ASPH: variants seen among roughly 807,000 people sequenced by gnomAD.
ASPH encodes the protein aspartyl/asparaginyl beta-hydroxylase.
In ASPH, 100 loss-of-function variants were observed where a neutral mutation model predicts 118.4. The observed-to-expected ratio is 0.84, with a 90% CI of 0.72 to 1.00. The LOEUF is 1.00. ASPH is among the 50% of genes least tolerant of loss of function. The pLI, the probability that ASPH is intolerant of heterozygous loss-of-function variation, is 0.00. For synonymous variants in ASPH, 315 were observed against 325.6 expected (o/e 0.97, Z 0.35); for missense variants, 920 against 919.5 (o/e 1.00, Z -0.01).
At position 61,580,710 on chromosome 8, in the gene ASPH, A is replaced by G. The variant is rs148527237; in HGVS notation, c.1062+3234T>C. Reference sequence around the variant, plus strand: ...CACTCCAATATCCAATTCTGTCTTCATACTGCTTTCTTTCTCCTCTGTATG... The same window carrying G: ...CACTCCAATATCCAATTCTGTCTTCGTACTGCTTTCTTTCTCCTCTGTATG... On this transcript the variant is annotated intron_variant, in intron 15 of 24. Coordinates refer to ENST00000379454, the MANE Select transcript of ASPH (RefSeq NM_004318.4). Among the ~76,000 whole-genome samples the G allele has an allele frequency of 1.1e-3, 169 of 152,286 alleles. 1 individual carries two copies. The highest frequency in any genetic ancestry group is 3.8e-3 in the African/African-American group (159 of 41,548).
chr8:61,685,709 C>T (rs1830214789), intron 1 of ASPH, among the ~76,000 whole-genome samples: 1 of 151,688 alleles, frequency 6.6e-6, no homozygotes, highest in Non-Finnish European at 1.5e-5. Context: ...CAAAAGGGGC[C>T]ATAAAAACTA....
At chr8:61,684,625 C>A (rs1829678606) in intron 1 of ASPH, 1 of 155,524 alleles carries the variant, frequency 6.4e-6, no homozygotes, top group African/African-American at 2.4e-5. Context: ...CCCCCTAAAC[C>A]ATTCCATATT....
intron 1 of ASPH, among the ~76,000 whole-genome samples, chr8:61,708,998 C>T (rs548913688): frequency 1.3e-5 from 2 of 151,714 alleles, no homozygotes; most frequent in Non-Finnish European, 2.9e-5. Flanking sequence ...CACAGGGGGC[C>T]GAATAGCCCA....
intron 3 of ASPH, chr8:61,658,655 A>C (rs1815075620): frequency 6.6e-6 from 1 of 152,182 alleles, no homozygotes; most frequent in Admixed American, 6.5e-5. Context: ...GTATTTTTCC[A>C]AAAATTTACC....
chr8:61,587,103 TTTAA>T (rs1839702802), intron 14 of ASPH, among the ~76,000 whole-genome samples: 1 of 152,214 alleles, frequency 6.6e-6, no homozygotes, highest in South Asian at 2.1e-4. Context: ...CTGATCATCT[TTTAA>T]TTACTTACAC....
intron 14 of ASPH, among the ~76,000 whole-genome samples, chr8:61,587,672 T>C (rs1360605892): frequency 6.6e-6 from 1 of 152,216 alleles, no homozygotes; most frequent in Non-Finnish European, 1.5e-5. Context: ...AGACAAAATA[T>C]TAAAAATCTC....
intron 5 of ASPH, among the ~76,000 whole-genome samples, chr8:61,650,007 C>T (rs528069351): frequency 2.6e-5 from 4 of 152,312 alleles, no homozygotes; most frequent in East Asian, 3.9e-4. Flanking sequence ...CCAGCACTGG[C>T]CTGGTGAAGG....
intron 1 of ASPH, among the ~76,000 whole-genome samples, chr8:61,696,962 G>T (rs1834047722): frequency 6.6e-6 from 1 of 152,212 alleles, no homozygotes; most frequent in Admixed American, 6.5e-5. Context: ...CTGGTTTACA[G>T]CTGTGTCCAT....
rs576597404 is a variant in ASPH, at chr8:61,562,860, G to T, written c.1321C>A (p.Leu441Ile). The T allele has an allele frequency of 1.2e-6, 2 of 1,605,846 alleles. No homozygotes were observed. The highest frequency in any genetic ancestry group is 1.3e-5 in the African/African-American group (1 of 74,494). Residue 441 changes from leucine to isoleucine, a missense_variant, in exon 18 of 25, where the codon CTT becomes ATT. Leu to Ile is a conservative substitution (Grantham distance 5). Coordinates refer to ENST00000379454, the MANE Select transcript of ASPH (RefSeq NM_004318.4). ...QFLGHMRGSL[L>I]TLQRLVQLFP... ...AGTTGAACTAATCTCTGCAGGGTAAGCAGGGAACCTCTCATATGACCTGAG... is the reference window on the plus strand; with the variant it reads ...AGTTGAACTAATCTCTGCAGGGTAATCAGGGAACCTCTCATATGACCTGAG...
At chr8:61,687,107 A>G (rs1334787366) in intron 1 of ASPH, among the ~76,000 whole-genome samples, 1 of 152,172 alleles carries the variant, frequency 6.6e-6, no homozygotes, top group Non-Finnish European at 1.5e-5. Flanking sequence ...AAAATTAAAA[A>G]GTCTATAATG....
At chr8:61,505,127 T>C (rs60140341) in intron 24 of ASPH, among the ~76,000 whole-genome samples, 2,385 of 152,268 alleles carry the variant, frequency 0.016, 63 homozygotes, top group African/African-American at 0.055. Flanking sequence ...TGAATAAGTA[T>C]CATGAGATCT....
chr8:61,573,501 G>A (rs1002827820), intron 16 of ASPH, among the ~76,000 whole-genome samples: 7 of 152,138 alleles, frequency 4.6e-5, no homozygotes, highest in African/African-American at 1.7e-4. Context: ...GCATTGTACT[G>A]GTACCAAAAC....
chr8:61,579,730 G>C, intron 15 of ASPH: 1 of 914,124 alleles, frequency 1.1e-6, no homozygotes, highest in Non-Finnish European at 1.8e-6. Flanking sequence ...GCCTGAGAAG[G>C]AGGCCACTAT....
rs921528048 is a variant in ASPH at position 61,517,676 on chromosome 8, T to A, written c.1993-15A>T. The A allele has an allele frequency of 8.7e-6, 14 of 1,608,926 alleles. No individual in the cohort carries two copies. The highest frequency in any genetic ancestry group is 1.6e-4 in the Middle Eastern group (1 of 6,062). Reference sequence around the variant, plus strand: ...GAATATTTGATCTGCATAGAAAACATGACACTCCATTCAGCCATTTATCAA... The same window carrying A: ...GAATATTTGATCTGCATAGAAAACAAGACACTCCATTCAGCCATTTATCAA... On this transcript the variant is annotated splice_polypyrimidine_tract_variant and intron_variant, in intron 23 of 24. Coordinates refer to ENST00000379454, the MANE Select transcript of ASPH (RefSeq NM_004318.4).
intron 1 of ASPH, among the ~76,000 whole-genome samples, chr8:61,713,309 A>G (rs1323393945): frequency 6.6e-6 from 1 of 152,236 alleles, no homozygotes; most frequent in Admixed American, 6.5e-5. Context: ...GCCAAAGACA[A>G]CACACATGAA....
At chr8:61,507,708 G>A (rs1019171904) in intron 24 of ASPH, among the ~76,000 whole-genome samples, 1 of 152,082 alleles carries the variant, frequency 6.6e-6, no homozygotes, top group East Asian at 1.9e-4. Context: ...ATGTCAAATC[G>A]CTTCTGACTG....
chr8:61,713,544 G>A (rs932525693), intron 1 of ASPH, among the ~76,000 whole-genome samples: 1 of 152,110 alleles, frequency 6.6e-6, no homozygotes, highest in African/African-American at 2.4e-5. Context: ...AAGAAACCAA[G>A]AATCACTGAA....
At chr8:61,591,394 T>TA (rs574740559) in intron 14 of ASPH, among the ~76,000 whole-genome samples, 14,485 of 140,032 alleles carry the variant, frequency 0.1, 831 homozygotes, top group Non-Finnish European at 0.14. Flanking sequence ...AGAGGAAGAT[T>TA]AAAAAAAAAA....
At chr8:61,618,410 A>C (rs1171174721) in intron 14 of ASPH, among the ~76,000 whole-genome samples, 3 of 152,202 alleles carry the variant, frequency 2.0e-5, no homozygotes. Context: ...ACTTTGTAAT[A>C]AACTTTTGGC....
Sources: gnomAD v4.1 joint callset for allele counts (sites outside exome capture counted in the v4.1 genomes callset) on GRCh38, gnomAD v4.1.1 for gene constraint, MANE v1.5 for transcripts, NCBI Gene and HGNC (gene_info 2026-07-23, HGNC 2026-07-21) for gene names.